Variants in EFCAB3 observed in about 807,000 individuals in gnomAD.
The protein encoded by EFCAB3 is EF-hand calcium binding domain 3, also known as EF-hand calcium-binding domain-containing protein 3.
EFCAB3 carries 36 observed loss-of-function variants against 42.2 expected under a neutral mutation model. The observed-to-expected ratio is 0.85, with a 90% CI of 0.65 to 1.13. The LOEUF is 1.13. Ranked by LOEUF, EFCAB3 falls within the 50% of genes most tolerant of loss-of-function variation. The probability of loss-of-function intolerance (pLI) is 0.00; values close to 1 mark genes in which losing one functional copy is unlikely to be tolerated. For missense variants in EFCAB3, 418 were observed against 505.1 expected (o/e 0.83, Z 1.65); for synonymous variants, 170 against 172.8 (o/e 0.98, Z 0.13).
At position 62,382,617 on chromosome 17, in the gene EFCAB3, T is replaced by C. The variant is rs186112763; in HGVS notation, c.-17-346T>C. Among the ~76,000 whole-genome samples, 630 of 152,382 alleles carry C rather than the reference T, an allele frequency of 4.1e-3. 3 individuals are homozygous for C. The highest frequency in any genetic ancestry group is 0.014 in the African/African-American group (586 of 41,592). ...CAACCACCATTCTACTCTCTGCTTC[T>C]ATGAGTTAAACTATTTTAGATTATA... On this transcript the variant is annotated intron_variant, in intron 1 of 9. Coordinates refer to ENST00000305286, the MANE Select transcript of EFCAB3 (RefSeq NM_173503.4).
At chr17:62,393,944 C>T (rs536896517) in intron 5 of EFCAB3, among the ~76,000 whole-genome samples, 1 of 143,198 alleles carries the variant, frequency 7.0e-6, no homozygotes, top group East Asian at 2.0e-4. Context: ...TCTATAATGT[C>T]TGAATTATTT....
At chr17:62,375,996 CAT>C (rs2070147342), upstream of EFCAB3, among the ~76,000 whole-genome samples, 1 of 152,148 alleles carries the variant, frequency 6.6e-6, no homozygotes, top group African/African-American at 2.4e-5. Context: ...AGCTCGCCCA[CAT>C]GTTTTCTTCA....
chr17:62,382,644 A>T (rs967331263), intron 1 of EFCAB3, among the ~76,000 whole-genome samples: 1 of 152,218 alleles, frequency 6.6e-6, no homozygotes, highest in Non-Finnish European at 1.5e-5. Context: ...TAGATTATAC[A>T]TATTAGTTAG....
At chr17:62,402,714 G>A (rs1246119837) in intron 6 of EFCAB3, among the ~76,000 whole-genome samples, 1 of 152,056 alleles carries the variant, frequency 6.6e-6, no homozygotes, top group Non-Finnish European at 1.5e-5. Flanking sequence ...GAGGATTTTC[G>A]CATCGATGTT....
chr17:62,376,604 G>A (rs1004342844), upstream of EFCAB3, among the ~76,000 whole-genome samples: 8 of 152,078 alleles, frequency 5.3e-5, no homozygotes, highest in Admixed American at 3.9e-4. Context: ...ACAGACATAG[G>A]CATAATGGCA....
At chr17:62,387,878 T>C (rs2070267727) in intron 3 of EFCAB3, among the ~76,000 whole-genome samples, 1 of 152,140 alleles carries the variant, frequency 6.6e-6, no homozygotes, top group South Asian at 2.1e-4. Flanking sequence ...GTCCCTGCCC[T>C]GATAGGAAGT....
chr17:62,396,560 A>C (rs77340919), intron 6 of EFCAB3, among the ~76,000 whole-genome samples: 1 of 151,936 alleles, frequency 6.6e-6, no homozygotes, highest in South Asian at 2.1e-4. Context: ...TCTCAAAAAA[A>C]TAAAAAAGAA....
intron 6 of EFCAB3, among the ~76,000 whole-genome samples, chr17:62,405,757 G>A (rs1249817221): frequency 6.6e-6 from 1 of 152,168 alleles, no homozygotes; most frequent in Non-Finnish European, 1.5e-5. Context: ...TATTCTTAAA[G>A]AATGTATAAC....
At chr17:62,372,814 G>A (rs951817572) in intron 1 of EFCAB3, among the ~76,000 whole-genome samples, 2 of 152,016 alleles carry the variant, frequency 1.3e-5, no homozygotes, top group Admixed American at 6.6e-5. Flanking sequence ...AAAACCCACG[G>A]CAACATAGCC....
chr17:62,413,760 C>A lies in EFCAB3; in HGVS notation c.896C>A (p.Ala299Asp). ...QAANIKSMDP[A>D]SGYSNNIFTI... ...GCAAATATAAAGTCTATGGACCCTGCCTCAGGTTATTCAAATAACATCTTC... is the reference window on the plus strand; with the variant it reads ...GCAAATATAAAGTCTATGGACCCTGACTCAGGTTATTCAAATAACATCTTC... Residue 299 changes from alanine to aspartate, a missense_variant, in exon 9 of 10, where the codon GCC becomes GAC. Coordinates refer to ENST00000305286, the MANE Select transcript of EFCAB3 (RefSeq NM_173503.4). 6.2e-7 allele frequency: 1 copy of A among 1,613,168 alleles called. No homozygotes were observed. Among genetic ancestry groups the A allele is most frequent in the Non-Finnish European group, 8.5e-7 (1 of 1,179,502 alleles).
At chr17:62,404,626 G>A (rs557544099) in intron 6 of EFCAB3, among the ~76,000 whole-genome samples, 9 of 151,978 alleles carry the variant, frequency 5.9e-5, no homozygotes, top group Admixed American at 2.0e-4. Context: ...GAGAAACCCC[G>A]TCTCTACTAA....
At chr17:62,392,807 T>A (rs1207436081) in intron 4 of EFCAB3, among the ~76,000 whole-genome samples, 1 of 151,916 alleles carries the variant, frequency 6.6e-6, no homozygotes, top group Non-Finnish European at 1.5e-5. Flanking sequence ...CCGGCTAATT[T>A]TTTGTATTTT....
intron 2 of EFCAB3, among the ~76,000 whole-genome samples, chr17:62,375,430 T>C (rs1424572481): frequency 6.6e-6 from 1 of 152,184 alleles, no homozygotes; most frequent in Non-Finnish European, 1.5e-5. Flanking sequence ...TGGCCATGTA[T>C]AAGTTCTATG....
rs1016637307 is a variant in EFCAB3, at chr17:62,406,603, C to G, written c.612C>G (p.Ala204=). The change falls in exon 7 of 10, where the codon GCC becomes GCG. Residue 204 remains alanine (A), a synonymous_variant. Coordinates refer to ENST00000305286, the MANE Select transcript of EFCAB3 (RefSeq NM_173503.4). The stretch of plus-strand genomic sequence containing the variant: ...CACCTCCAAGCTCAAGCATGGCTGC[C>G]TTTGCTAATGCTGCCCGGATTGCAA... The part of the protein sequence containing the change: ...ICTPPSSSMA[A]FANAARIAIM... The G allele has an allele frequency of 6.2e-7, 1 of 1,614,038 alleles. No homozygotes were observed. The highest frequency in any genetic ancestry group is 1.7e-5 in the Admixed American group (1 of 59,982).
chr17:62,415,714 C>A (rs1334421468), intron 9 of EFCAB3, among the ~76,000 whole-genome samples: 1 of 152,114 alleles, frequency 6.6e-6, no homozygotes, highest in Non-Finnish European at 1.5e-5. Flanking sequence ...CTGAATTGGC[C>A]CTCCTGTTAT....
At chr17:62,401,758 T>A in intron 6 of EFCAB3, among the ~76,000 whole-genome samples, 1 of 152,202 alleles carries the variant, frequency 6.6e-6, no homozygotes, top group Non-Finnish European at 1.5e-5. Flanking sequence ...CTTAGGATTG[T>A]CATGGCAATG....
chr17:62,395,038 A>G (rs1197122651), intron 5 of EFCAB3, 30 bp from the exon 6 acceptor site: 1 of 1,608,732 alleles, frequency 6.2e-7, no homozygotes, highest in Non-Finnish European at 8.5e-7. Flanking sequence ...GAAGGTATTT[A>G]AAAATCTATC....
At chr17:62,390,781 TA>T (rs1279346779) in intron 3 of EFCAB3, among the ~76,000 whole-genome samples, 1 of 152,232 alleles carries the variant, frequency 6.6e-6, no homozygotes, top group Non-Finnish European at 1.5e-5. Context: ...CAGGTATCGT[TA>T]TCTCTGTAGG....
At chr17:62,393,762 A>G in intron 5 of EFCAB3, 118 bp downstream of exon 5, 4 of 819,008 alleles carry the variant, frequency 4.9e-6, no homozygotes, top group Non-Finnish European at 7.9e-6. Flanking sequence ...CTGGGATGTG[A>G]GTTACTTTTG....
Sources: allele counts gnomAD v4.1 joint callset (sites outside exome capture counted in the v4.1 genomes callset), GRCh38; gene constraint gnomAD v4.1.1; transcripts MANE v1.5; gene names NCBI Gene and HGNC (gene_info 2026-07-23, HGNC 2026-07-21).